The following FGF9 variants were observed in gnomAD, a reference collection of about 807,000 sequenced individuals.
FGF9 encodes the protein fibroblast growth factor 9.
Under a neutral mutation model 19.9 loss-of-function variants are expected in FGF9, and 3 were observed. That is an observed-to-expected ratio of 0.15 (90% CI 0.07 to 0.39). The LOEUF (loss-of-function observed/expected upper bound fraction) is 0.39. Among genes scored for constraint, FGF9 ranks in the 10% least tolerant of loss-of-function variants. The probability of loss-of-function intolerance (pLI) is 1.00; values close to 1 mark genes in which losing one functional copy is unlikely to be tolerated. For missense variants in FGF9, 175 were observed against 256.8 expected (o/e 0.68, Z 2.18); for synonymous variants, 107 against 106.9 (o/e 1.00, Z -0.01).
rs1648649510 is a variant in FGF9 at position 21,691,522 on chromosome 13, T to C, written c.382-9668T>C. 6.6e-6 allele frequency among the ~76,000 whole-genome samples: 1 copy of C among 152,238 alleles called. No individual in the cohort carries two copies. The highest frequency in any genetic ancestry group is 2.4e-5 in the African/African-American group (1 of 41,466). The stretch of plus-strand genomic sequence containing the variant: ...TGTCCCTGCCTCATCTGCCTCATCT[T>C]GTCTCTGCTTCTGTTTATCCTAGTT... On this transcript the variant is annotated intron_variant, in intron 2 of 2. Coordinates refer to ENST00000382353, the MANE Select transcript of FGF9 (RefSeq NM_002010.3). This position sits in a 1 kb window ranked among gnomAD's most constrained non-coding sequence, Gnocchi z 4.2.
intron 2 of FGF9, among the ~76,000 whole-genome samples, chr13:21,687,225 G>A (rs1872182531): frequency 2.0e-5 from 3 of 152,130 alleles, no homozygotes; most frequent in Admixed American, 2.0e-4. Context: ...TTCTTGCATG[G>A]TGTTCCATAT....
At chr13:21,698,553 C>T (rs1298600268) in intron 2 of FGF9, among the ~76,000 whole-genome samples, 3 of 152,116 alleles carry the variant, frequency 2.0e-5, no homozygotes, top group Non-Finnish European at 4.4e-5. Flanking sequence ...ACGGGTGAAG[C>T]TGGGATAGGA....
rs549468798 is a variant in FGF9, at chr13:21,677,442, A to C, written c.278-3600A>C. 2.0e-5 allele frequency among the ~76,000 whole-genome samples: 3 copies of C among 152,286 alleles called. No individual in the cohort carries two copies. The South Asian group carries it at 6.2e-4, about 32-fold the overall frequency. ...ATTGATCCAGCCCCCTCTGCTGCCC[A>C]GTCATGTGAGCAGATAACATGTGGA... On this transcript the variant is annotated intron_variant, in intron 1 of 2. Transcript: ENST00000382353.
intron 2 of FGF9, among the ~76,000 whole-genome samples, chr13:21,690,693 T>A (rs1168725931): frequency 6.6e-6 from 1 of 152,170 alleles, no homozygotes; most frequent in Non-Finnish European, 1.5e-5. Context: ...GGGCAAAAAA[T>A]GTGAGTAGCA....
intron 2 of FGF9, among the ~76,000 whole-genome samples, chr13:21,693,698 C>T (rs1291626017): frequency 3.3e-5 from 5 of 152,136 alleles, no homozygotes; most frequent in Non-Finnish European, 5.9e-5. Flanking sequence ...GAAGAGGATG[C>T]GGCAGGCCCC....
chr13:21,689,701 A>G (rs1177867078), intron 2 of FGF9, among the ~76,000 whole-genome samples: 1 of 152,212 alleles, frequency 6.6e-6, no homozygotes, highest in Non-Finnish European at 1.5e-5. Context: ...TTTCAAATGA[A>G]TTCCTCACTG....
Position 21,671,816 on chromosome 13 carries a change from C to A in FGF9, c.-97C>A. On this transcript the variant is annotated 5_prime_UTR_variant, in exon 1 of 3. Transcript: ENST00000382353. ...TTTTTTCTCTCTCTCTCTGCAACTG[C>A]AGTAAGGGAGGGGAGTTGGATATAC... 2 of 1,338,882 alleles carry A rather than the reference C, an allele frequency of 1.5e-6. No homozygotes were observed. Among genetic ancestry groups the A allele is most frequent in the Non-Finnish European group, 2.1e-6 (2 of 930,730 alleles). 82.9% of individuals were successfully genotyped at this position (1,338,882 alleles called of 1,614,324 possible).
intron 2 of FGF9, among the ~76,000 whole-genome samples, chr13:21,686,232 T>C (rs1488091486): frequency 6.6e-6 from 1 of 152,172 alleles, no homozygotes; most frequent in Non-Finnish European, 1.5e-5. Context: ...TTTCACCATG[T>C]TGACCGGGCT....
At chr13:21,686,964 C>T (rs1241251635) in intron 2 of FGF9, among the ~76,000 whole-genome samples, 1 of 152,190 alleles carries the variant, frequency 6.6e-6, no homozygotes, top group African/African-American at 2.4e-5. Flanking sequence ...ATGCTGACTG[C>T]CTCAGACCAG....
At chr13:21,680,801 T>C (rs1376381765) in intron 1 of FGF9, among the ~76,000 whole-genome samples, 1 of 152,254 alleles carries the variant, frequency 6.6e-6, no homozygotes, top group Non-Finnish European at 1.5e-5. Flanking sequence ...TAAAATGTTT[T>C]GTTTTTTGTG....
At chr13:21,692,085 C>T (rs151144041) in intron 2 of FGF9, among the ~76,000 whole-genome samples, 4 of 151,768 alleles carry the variant, frequency 2.6e-5, no homozygotes, top group African/African-American at 9.7e-5. Context: ...AACAGACTTG[C>T]CAAGGTCGTA....
Position 21,701,457 on chromosome 13 carries a change from A to C in FGF9, c.*22A>C. On this transcript the variant is annotated 3_prime_UTR_variant, in exon 3 of 3. Transcript: ENST00000382353. ...TTGACAAAGACAGTTTCTTCACTTGAGCCCTTAAAAAAGTAACCACTATAA... is the reference window on the plus strand; with the variant it reads ...TTGACAAAGACAGTTTCTTCACTTGCGCCCTTAAAAAAGTAACCACTATAA... 6.2e-7 allele frequency: 1 copy of C among 1,614,006 alleles called. No individual in the cohort carries two copies. The highest frequency in any genetic ancestry group is 8.5e-7 in the Non-Finnish European group (1 of 1,179,906).
chr13:21,675,728 C>T (rs1871900408), intron 1 of FGF9, among the ~76,000 whole-genome samples: 1 of 152,156 alleles, frequency 6.6e-6, no homozygotes, highest in Non-Finnish European at 1.5e-5. Context: ...GCATTTTCTA[C>T]CTGAAATCAA....
intron 2 of FGF9, chr13:21,681,386 G>A: frequency 2.7e-6 from 1 of 374,004 alleles, no homozygotes; most frequent in Non-Finnish European, 4.9e-6. Context: ...TAATTATCAA[G>A]TAAATAAAAA....
intron 2 of FGF9, among the ~76,000 whole-genome samples, chr13:21,686,339 T>C (rs1267203231): frequency 1.3e-5 from 2 of 152,192 alleles, no homozygotes; most frequent in African/African-American, 4.8e-5. Context: ...TTCAAGATAC[T>C]TTAAAACATC....
chr13:21,698,124 T>C (rs1471019332), intron 2 of FGF9, among the ~76,000 whole-genome samples: 1 of 152,162 alleles, frequency 6.6e-6, no homozygotes, highest in African/African-American at 2.4e-5. Context: ...TAAGACTCTT[T>C]TTACTATGCT....
chr13:21,687,554 T>A (rs1395614027), intron 2 of FGF9, among the ~76,000 whole-genome samples: 1 of 152,238 alleles, frequency 6.6e-6, no homozygotes, highest in Non-Finnish European at 1.5e-5. Flanking sequence ...ACGAAGATGC[T>A]GCCTCACTGT....
At position 21,671,902 on chromosome 13, in the gene FGF9, C is replaced by T. The variant is rs200508154; in HGVS notation, c.-11C>T. 2.5e-6 allele frequency: 4 copies of T among 1,614,122 alleles called. No homozygotes were observed. The highest frequency in any genetic ancestry group is 2.7e-5 in the African/African-American group (2 of 75,030). On this transcript the variant is annotated 5_prime_UTR_variant, in exon 1 of 3. Coordinates refer to ENST00000382353, the MANE Select transcript of FGF9 (RefSeq NM_002010.3). The stretch of plus-strand genomic sequence containing the variant: ...TTGTTTATTCTTGTGCTCCAAAAGC[C>T]GAGTCCTCTGATGGCTCCCTTAGGT...
chr13:21,700,011 ATGTGGTG>A (rs1304037879), intron 2 of FGF9, among the ~76,000 whole-genome samples: 3 of 115,512 alleles, frequency 2.6e-5, no homozygotes, highest in South Asian at 3.8e-4. Context: ...CAGCTTTGGG[ATGTGGTG>A]TGTGTGTGTG....
Sources: gnomAD v4.1 joint callset for allele counts (sites outside exome capture counted in the v4.1 genomes callset) on GRCh38, gnomAD v4.1.1 for gene constraint, Gnocchi (gnomAD v3.1) non-coding constraint, MANE v1.5 for transcripts, NCBI Gene and HGNC (gene_info 2026-07-23, HGNC 2026-07-21) for gene names.